The following GRIN2B variants were observed in gnomAD, a reference collection of about 807,000 sequenced individuals.
The protein encoded by GRIN2B is glutamate receptor ionotropic, NMDA 2B.
GRIN2B carries 5 observed loss-of-function variants against 114.5 expected under a neutral mutation model. That is an observed-to-expected ratio of 0.04 (90% CI 0.02 to 0.09). GRIN2B has a LOEUF of 0.09. Among genes scored for constraint, GRIN2B ranks in the 10% least tolerant of loss-of-function variants. The pLI, the probability that GRIN2B is intolerant of heterozygous loss-of-function variation, is 1.00. For synonymous variants in GRIN2B, 787 were observed against 745.1 expected (o/e 1.06, Z -0.92); for missense variants, 1,108 against 1,943.5 (o/e 0.57, Z 8.08).
intron 5 of GRIN2B, among the ~76,000 whole-genome samples, chr12:13,631,405 A>G (rs1330845478): frequency 2.0e-5 from 3 of 152,188 alleles, no homozygotes; most frequent in African/African-American, 7.2e-5. Flanking sequence ...TTGCCAAAAT[A>G]CCCTCATATA....
intron 4 of GRIN2B, among the ~76,000 whole-genome samples, chr12:13,692,526 C>A (rs1950223145): frequency 6.6e-6 from 1 of 151,986 alleles, no homozygotes; most frequent in Non-Finnish European, 1.5e-5. Flanking sequence ...TCCAGTTACT[C>A]TGGTTTCCTC....
At position 13,561,667 on chromosome 12, in the gene GRIN2B, T is replaced by C. The variant is rs199746680; in HGVS notation, c.*1116A>G. The C allele has an allele frequency of 1.3e-5, 2 of 152,660 alleles. No homozygotes were observed. Among genetic ancestry groups the C allele is most frequent in the Non-Finnish European group, 2.9e-5 (2 of 68,040 alleles). The allele number at this position is 152,660 out of a possible 1,614,324, so 9.5% of individuals were successfully genotyped here. A position where few individuals can be genotyped will look rare whatever the true frequency, so the allele number is the denominator to read the frequency against. ...CTCAAAAGAGCTTTGTAGAATCTTT[T>C]GCTCCCAAGTGTGGGCAAAAGAATC... On this transcript the variant is annotated 3_prime_UTR_variant, in exon 14 of 14. Transcript: ENST00000609686.
intron 4 of GRIN2B, among the ~76,000 whole-genome samples, chr12:13,724,925 C>T (rs1862952780): frequency 6.6e-6 from 1 of 152,134 alleles, no homozygotes; most frequent in African/African-American, 2.4e-5. Flanking sequence ...ATGCATTCTA[C>T]TATGGTGTCT....
At chr12:13,879,111 T>C (rs957999379) in intron 2 of GRIN2B, among the ~76,000 whole-genome samples, 11 of 152,230 alleles carry the variant, frequency 7.2e-5, no homozygotes, top group African/African-American at 2.4e-4. Flanking sequence ...AATACAATCA[T>C]GCGTGGCTTA....
At chr12:13,801,493 A>C (rs1449473088) in intron 3 of GRIN2B, among the ~76,000 whole-genome samples, 1 of 152,198 alleles carries the variant, frequency 6.6e-6, no homozygotes, top group Non-Finnish European at 1.5e-5. Context: ...AGAAGGACAG[A>C]GAAACTTGTA....
intron 2 of GRIN2B, among the ~76,000 whole-genome samples, chr12:13,930,694 G>A (rs1867010903): frequency 6.6e-6 from 1 of 152,198 alleles, no homozygotes; most frequent in Non-Finnish European, 1.5e-5. Context: ...GGCAGAGGGA[G>A]CTGCTTATAA....
At chr12:13,767,286 T>C (rs966486632) in intron 3 of GRIN2B, among the ~76,000 whole-genome samples, 2 of 150,282 alleles carry the variant, frequency 1.3e-5, no homozygotes, top group African/African-American at 4.9e-5. Flanking sequence ...AAAAGTATTC[T>C]AATGCCAAAT....
chr12:13,644,377 T>C (rs1160935797), intron 5 of GRIN2B, among the ~76,000 whole-genome samples: 1 of 152,146 alleles, frequency 6.6e-6, no homozygotes, highest in Non-Finnish European at 1.5e-5. Flanking sequence ...GCTTAAAATA[T>C]TCGGTAAATC....
intron 3 of GRIN2B, among the ~76,000 whole-genome samples, chr12:13,794,038 C>CAA (rs59335663): frequency 1.0e-3 from 81 of 79,130 alleles, no homozygotes; most frequent in Non-Finnish European, 1.5e-3. Context: ...CCCATCTCTA[C>CAA]AAAAAAAAAA....
intron 2 of GRIN2B, among the ~76,000 whole-genome samples, chr12:13,895,844 G>T (rs936546631): frequency 6.6e-6 from 1 of 152,220 alleles, no homozygotes; most frequent in African/African-American, 2.4e-5. Flanking sequence ...CTAATGAGGT[G>T]TGTGTTGGCT....
intron 4 of GRIN2B, among the ~76,000 whole-genome samples, chr12:13,739,274 C>G (rs1453407079): frequency 1.4e-5 from 2 of 142,882 alleles, no homozygotes; most frequent in Non-Finnish European, 3.0e-5. Flanking sequence ...ACTTGGGAGG[C>G]TGAGGCAGGA....
chr12:13,652,037 C>G (rs1349338360), intron 5 of GRIN2B, among the ~76,000 whole-genome samples: 9 of 152,020 alleles, frequency 5.9e-5, no homozygotes, highest in Non-Finnish European at 1.3e-4. Flanking sequence ...AGTTCCCACT[C>G]TAGGGAACTT....
At chr12:13,876,337 T>C (rs191460835) in intron 2 of GRIN2B, among the ~76,000 whole-genome samples, 42 of 152,332 alleles carry the variant, frequency 2.8e-4, no homozygotes. Context: ...TCTAGCACAA[T>C]GCAGTTACCT....
At chr12:13,830,844 G>A (rs1329237451) in intron 3 of GRIN2B, among the ~76,000 whole-genome samples, 2 of 152,202 alleles carry the variant, frequency 1.3e-5, no homozygotes, top group African/African-American at 2.4e-5. Context: ...ATATAACATC[G>A]TGGTCATCTG....
intron 2 of GRIN2B, among the ~76,000 whole-genome samples, chr12:13,879,413 A>G (rs988877008): frequency 1.3e-5 from 2 of 152,180 alleles, no homozygotes; most frequent in African/African-American, 2.4e-5. Context: ...TATAGGGCAC[A>G]TGACCGTATA....
At position 13,564,382 on chromosome 12, in the gene GRIN2B, C is replaced by T. The variant is rs547507161; in HGVS notation, c.2856G>A (p.Pro952=). The change falls in exon 14 of 14, where the codon CCG becomes CCA. Residue 952 remains proline, a synonymous_variant. Coordinates refer to ENST00000609686, the MANE Select transcript of GRIN2B (RefSeq NM_000834.5). The surrounding 1 kb of genome is among the most constrained non-coding windows in gnomAD (Gnocchi z 4.8). ...CACTGAAGAGGTTCTCCTCACAGGG[C>T]GGGTTGTTGTAGGATTTGCAGTCAG... ...THSDCKSYNN[P]PCEENLFSDY... 1.2e-6 allele frequency: 2 copies of T among 1,614,144 alleles called. No homozygotes were observed. The highest frequency in any genetic ancestry group is 1.1e-5 in the South Asian group (1 of 91,078).
At chr12:13,824,579 G>T (rs557358990) in intron 3 of GRIN2B, among the ~76,000 whole-genome samples, 137 of 152,172 alleles carry the variant, frequency 9.0e-4, no homozygotes, top group African/African-American at 3.1e-3. Context: ...TTTAGGCCAG[G>T]CGCGGTGGCT....
At chr12:13,932,998 T>TGC (rs1208251085) in intron 2 of GRIN2B, among the ~76,000 whole-genome samples, 1 of 147,970 alleles carries the variant, frequency 6.8e-6, no homozygotes, top group Non-Finnish European at 1.5e-5. Context: ...CGTGTGCGTG[T>TGC]GTGTGTGTTT....
intron 4 of GRIN2B, among the ~76,000 whole-genome samples, chr12:13,742,727 G>C (rs1020775087): frequency 1.3e-5 from 2 of 152,156 alleles, no homozygotes; most frequent in African/African-American, 4.8e-5. Flanking sequence ...CACTGTGCCC[G>C]GCTTAGAACT....
Sources: allele counts gnomAD v4.1 joint callset (sites outside exome capture counted in the v4.1 genomes callset), GRCh38; gene constraint gnomAD v4.1.1; non-coding constraint Gnocchi (gnomAD v3.1); transcripts MANE v1.5; gene names NCBI Gene and HGNC (gene_info 2026-07-23, HGNC 2026-07-21).